Variants in TNNI3K observed in about 807,000 individuals in gnomAD.
TNNI3K encodes serine/threonine-protein kinase TNNI3K.
TNNI3K carries 140 observed loss-of-function variants against 114.5 expected under a neutral mutation model. That is an observed-to-expected ratio of 1.22 (90% CI 1.07 to 1.41). The LOEUF (loss-of-function observed/expected upper bound fraction) is 1.41, where lower values mean the gene tolerates loss of function less well. Ranked by LOEUF, TNNI3K falls within the 40% of genes most tolerant of loss-of-function variation. The probability of loss-of-function intolerance (pLI) is 0.00; values close to 1 mark genes in which losing one functional copy is unlikely to be tolerated. For synonymous variants in TNNI3K, 347 were observed against 347.5 expected (o/e 1.00, Z 0.02); for missense variants, 1,125 against 1,007.6 (o/e 1.12, Z -1.58).
At chr1:74,436,254 C>A in intron 18 of TNNI3K, 122 bp downstream of exon 18, 1 of 1,298,874 alleles carries the variant, frequency 7.7e-7, no homozygotes, top group Non-Finnish European at 1.1e-6. Flanking sequence ...TGAACACTGA[C>A]AGCTATCCTA....
intron 17 of TNNI3K, among the ~76,000 whole-genome samples, chr1:74,399,378 C>T (rs763153221): frequency 6.6e-6 from 1 of 152,094 alleles, no homozygotes; most frequent in Non-Finnish European, 1.5e-5. Flanking sequence ...CTGGACCTAT[C>T]CTCCACACTG....
chr1:74,509,770 T>C (rs1489717122), intron 23 of TNNI3K, among the ~76,000 whole-genome samples: 2 of 138,670 alleles, frequency 1.4e-5, no homozygotes, highest in Non-Finnish European at 3.1e-5. Flanking sequence ...TTTTTTTTTT[T>C]TTTTTTTGAG....
At chr1:74,241,759 G>T (rs2100830616) in intron 2 of TNNI3K, among the ~76,000 whole-genome samples, 1 of 151,860 alleles carries the variant, frequency 6.6e-6, no homozygotes, top group East Asian at 1.9e-4. Flanking sequence ...TTGTTTTGCT[G>T]TGCAGAAGCT....
chr1:74,296,220 G>A (rs1316044611), intron 5 of TNNI3K, among the ~76,000 whole-genome samples: 1 of 151,554 alleles, frequency 6.6e-6, no homozygotes, highest in Non-Finnish European at 1.5e-5. Context: ...AGCTTGCAGT[G>A]AGCGGAGATC....
At chr1:74,528,496 G>A (rs1646537206) in intron 23 of TNNI3K, among the ~76,000 whole-genome samples, 1 of 152,146 alleles carries the variant, frequency 6.6e-6, no homozygotes, top group Admixed American at 6.5e-5. Context: ...GTGTGTTGGA[G>A]TGGGGAAAGG....
intron 20 of TNNI3K, among the ~76,000 whole-genome samples, chr1:74,440,069 G>A (rs1485034113): frequency 6.6e-6 from 1 of 151,792 alleles, no homozygotes; most frequent in Non-Finnish European, 1.5e-5. Flanking sequence ...AAGAAGATGG[G>A]TTTTCCTAAC....
At chr1:74,451,383 A>G (rs2100697608) in intron 20 of TNNI3K, among the ~76,000 whole-genome samples, 1 of 152,264 alleles carries the variant, frequency 6.6e-6, no homozygotes, top group South Asian at 2.1e-4. Flanking sequence ...CATCCTGCAC[A>G]TGTTTCCCGA....
chr1:74,471,809 G>A, intron 21 of TNNI3K: 1 of 431,170 alleles, frequency 2.3e-6, no homozygotes, highest in Non-Finnish European at 4.1e-6. Flanking sequence ...CTGTTAATTT[G>A]GATTTGCTCT....
intron 2 of TNNI3K, among the ~76,000 whole-genome samples, chr1:74,242,920 T>A (rs1654333775): frequency 6.6e-6 from 1 of 152,114 alleles, no homozygotes; most frequent in South Asian, 2.1e-4. Context: ...TATCTTTCTA[T>A]CATTTTCTCT....
chr1:74,275,587 G>C lies in TNNI3K; in HGVS notation c.444+3879G>C, dbSNP rs141504385. On this transcript the variant is annotated intron_variant, in intron 5 of 24. Coordinates refer to ENST00000326637, the MANE Select transcript of TNNI3K (RefSeq NM_015978.3). ...ATTGAACTAGTCTAAAGAATGATGA[G>C]AACTAGACAGCAAAAATAAGAGGGA... Among the ~76,000 whole-genome samples, 220 of 152,010 alleles carry C rather than the reference G, an allele frequency of 1.4e-3. 2 individuals carry two copies. The highest frequency in any genetic ancestry group is 5.0e-3 in the African/African-American group (208 of 41,510).
chr1:74,339,975 A>G (rs1027614078), intron 7 of TNNI3K, among the ~76,000 whole-genome samples: 1 of 152,138 alleles, frequency 6.6e-6, no homozygotes, highest in African/African-American at 2.4e-5. Flanking sequence ...ACAGAAAGCC[A>G]CAAAAAATTC....
intron 2 of TNNI3K, among the ~76,000 whole-genome samples, chr1:74,245,923 C>T (rs1028860393): frequency 3.9e-5 from 6 of 152,284 alleles, no homozygotes; most frequent in Admixed American, 2.0e-4. Context: ...GGAAACACAC[C>T]TCAACTTGCT....
chr1:74,235,555 C>T, intron 1 of TNNI3K, 64 bp downstream of exon 1: 1 of 870,570 alleles, frequency 1.1e-6, no homozygotes, highest in Non-Finnish European at 1.8e-6. Flanking sequence ...TTACTGATAA[C>T]TAACAACTCA....
intron 21 of TNNI3K, chr1:74,471,570 C>T: frequency 2.5e-6 from 1 of 400,578 alleles, no homozygotes; most frequent in East Asian, 3.6e-5. Flanking sequence ...CTTTGTTTCT[C>T]TCCCCAGTGT....
intron 7 of TNNI3K, among the ~76,000 whole-genome samples, chr1:74,340,809 C>A (rs1660712413): frequency 6.6e-6 from 1 of 152,106 alleles, no homozygotes; most frequent in Admixed American, 6.6e-5. Context: ...ATTGACTATC[C>A]CTGGCTTAGA....
intron 6 of TNNI3K, among the ~76,000 whole-genome samples, chr1:74,332,133 T>G (rs1434380865): frequency 2.0e-5 from 3 of 152,116 alleles, no homozygotes; most frequent in African/African-American, 7.2e-5. Flanking sequence ...ACTTTAAAGT[T>G]TTTAACATAC....
At chr1:74,366,749 T>C (rs557265735) in intron 11 of TNNI3K, 13 of 152,200 alleles carry the variant, frequency 8.5e-5, no homozygotes, top group African/African-American at 3.1e-4. Context: ...AGTACAAATA[T>C]TGGCAGGCAG....
At chr1:74,447,021 C>A (rs552882675) in intron 20 of TNNI3K, among the ~76,000 whole-genome samples, 1 of 129,524 alleles carries the variant, frequency 7.7e-6, no homozygotes, top group East Asian at 2.3e-4. Flanking sequence ...CTTGGCGATG[C>A]GGGCTCTTTT....
intron 4 of TNNI3K, among the ~76,000 whole-genome samples, chr1:74,264,990 G>A (rs181890222): frequency 2.6e-5 from 4 of 151,978 alleles, no homozygotes; most frequent in Admixed American, 1.3e-4. Context: ...ATAAGGTCAG[G>A]GCTGATACAT....
Sources: gnomAD v4.1 joint callset for allele counts (sites outside exome capture counted in the v4.1 genomes callset) on GRCh38, gnomAD v4.1.1 for gene constraint, MANE v1.5 for transcripts, NCBI Gene and HGNC (gene_info 2026-07-23, HGNC 2026-07-21) for gene names.